ESPNL: variants seen among roughly 807,000 people sequenced by gnomAD.
ESPNL encodes the protein espin-like protein.
Under a neutral mutation model 46.8 loss-of-function variants are expected in ESPNL, and 49 were observed. The ratio of observed to expected loss-of-function variants is 1.05; its 90% CI spans 0.83 to 1.33. The LOEUF is 1.33. Among genes scored for constraint, ESPNL ranks in the 40% most tolerant of loss-of-function variants. The pLI, the probability that ESPNL is intolerant of heterozygous loss-of-function variation, is 0.00. For synonymous variants in ESPNL, 664 were observed against 662.1 expected (o/e 1.00, Z -0.04); for missense variants, 1,540 against 1,436.6 (o/e 1.07, Z -1.16).
At chr2:238,107,207 G>A (rs534177550) in intron 3 of ESPNL, among the ~76,000 whole-genome samples, 1 of 152,338 alleles carries the variant, frequency 6.6e-6, no homozygotes, top group South Asian at 2.1e-4. Flanking sequence ...CCTGGCTGGT[G>A]CTGTGGACCA....
In ESPNL at chr2:238,130,378, T is replaced by C; in HGVS notation, c.1664T>C (p.Leu555Pro). Residue 555 changes from leucine to proline, a missense_variant, in exon 9 of 9, where the codon CTG becomes CCG. By Grantham distance (98) the Leu-to-Pro change is moderately conservative (BLOSUM62 -3). Coordinates refer to ENST00000343063, the MANE Select transcript of ESPNL (RefSeq NM_194312.4). ...AGCATCACGGTCAACAGCCACTTCC[T>C]GCCCCGGGCGCCCGGACTGGAGGTT... Reference protein sequence around the residue: ...LVSITVNSHFLPRAPGLEVEE... With the variant: ...LVSITVNSHFPPRAPGLEVEE... 6.2e-7 allele frequency: 1 copy of C among 1,611,112 alleles called. No individual in the cohort carries two copies. The highest frequency in any genetic ancestry group is 1.1e-5 in the South Asian group (1 of 90,762).
In ESPNL at chr2:238,131,869, C is replaced by A. The variant is rs569094926; in HGVS notation, c.*137C>A. 1 of 919,694 alleles carries A rather than the reference C, an allele frequency of 1.1e-6. No homozygotes were observed. The highest frequency in any genetic ancestry group is 1.7e-6 in the Non-Finnish European group (1 of 604,412). The allele number at this position is 919,694 out of a possible 1,614,324, so 57.0% of individuals were successfully genotyped here. On this transcript the variant is annotated 3_prime_UTR_variant, in exon 9 of 9. Coordinates refer to ENST00000343063, the MANE Select transcript of ESPNL (RefSeq NM_194312.4). ...CAGTCCTACCAGTTATCGGAGGCTG[C>A]GGGACTGTTCTGTTGTGGCATGGTT...
At chr2:238,129,227 G>A (rs1692221540) in intron 8 of ESPNL, 2 of 1,251,098 alleles carry the variant, frequency 1.6e-6, no homozygotes, top group South Asian at 4.7e-5. Context: ...GTGGCCCATG[G>A]GCAGGTGCCG....
rs1232691515 is a variant in ESPNL at position 238,103,617 on chromosome 2, C to T, written c.486-1039C>T. 3.9e-5 allele frequency among the ~76,000 whole-genome samples: 6 copies of T among 152,328 alleles called. No homozygotes were observed. In the East Asian group the frequency reaches 1.2e-3, roughly 29 times the overall value. On this transcript the variant is annotated intron_variant, in intron 2 of 8. Coordinates refer to ENST00000343063, the MANE Select transcript of ESPNL (RefSeq NM_194312.4). ...GTTGCCCCCGACCCACTGGCTGCATCATGGCCTGCTCCCAGCCACCGCGCT... is the reference window on the plus strand; with the variant it reads ...GTTGCCCCCGACCCACTGGCTGCATTATGGCCTGCTCCCAGCCACCGCGCT...
chr2:238,104,640 C>T lies in ESPNL; in HGVS notation c.486-16C>T, dbSNP rs777343784. ...ATAGGCAGGGACTGGGCCTCCAAACCCTCCCTTCCCTGCAGCAGCGTGAAC... is the reference window on the plus strand; with the variant it reads ...ATAGGCAGGGACTGGGCCTCCAAACTCTCCCTTCCCTGCAGCAGCGTGAAC... On this transcript the variant is annotated splice_polypyrimidine_tract_variant and intron_variant, in intron 2 of 8. Coordinates refer to ENST00000343063, the MANE Select transcript of ESPNL (RefSeq NM_194312.4). 2 of 1,554,286 alleles carry T rather than the reference C, an allele frequency of 1.3e-6. No homozygotes were observed. The highest frequency in any genetic ancestry group is 1.8e-5 in the Admixed American group (1 of 55,182).
chr2:238,117,557 G>A (rs10929265), intron 5 of ESPNL, among the ~76,000 whole-genome samples: 28,112 of 152,194 alleles, frequency 0.18, 2,786 homozygotes, highest in African/African-American at 0.25. Flanking sequence ...ATCGCAAGGC[G>A]GCCAACAGCC....
intron 5 of ESPNL, among the ~76,000 whole-genome samples, chr2:238,120,576 C>A (rs898009370): frequency 6.6e-6 from 1 of 152,262 alleles, no homozygotes; most frequent in South Asian, 2.1e-4. Flanking sequence ...CCTGCCCGCG[C>A]CTGGGCGCCC....
intron 3 of ESPNL, 138 bp downstream of exon 3, chr2:238,104,980 A>G (rs984828468): frequency 5.3e-6 from 4 of 752,022 alleles, no homozygotes; most frequent in South Asian, 2.4e-5. Flanking sequence ...GAGCTGGTCC[A>G]TGGCTCCCGA....
In ESPNL at chr2:238,129,919, G is replaced by C. The variant is rs918680049; in HGVS notation, c.1414-209G>C. 6.0e-4 allele frequency among the ~76,000 whole-genome samples: 92 copies of C among 152,368 alleles called. 1 individual carries two copies. Among genetic ancestry groups the C allele is most frequent in the Non-Finnish European group, 5.7e-4 (39 of 68,034 alleles). On this transcript the variant is annotated intron_variant, in intron 8 of 8. Transcript: ENST00000343063. ...CTTGCCTGTTGGGCTGGGAGCCGTA[G>C]GGGCTGAAAGCCACAGGGTTGAGAG...
chr2:238,117,365 G>A (rs1022848702), intron 5 of ESPNL, among the ~76,000 whole-genome samples: 2 of 152,248 alleles, frequency 1.3e-5, no homozygotes, highest in African/African-American at 2.4e-5. Flanking sequence ...CTGTGGCCAG[G>A]GCCCGGCCTG....
At chr2:238,123,254 TC>T (rs2106475211) in intron 5 of ESPNL, among the ~76,000 whole-genome samples, 1 of 152,282 alleles carries the variant, frequency 6.6e-6, no homozygotes, top group Admixed American at 6.5e-5. Flanking sequence ...TCTTGGTCTT[TC>T]CCTAGAGGCT....
chr2:238,104,142 G>T (rs1192561101), intron 2 of ESPNL, among the ~76,000 whole-genome samples: 5 of 152,134 alleles, frequency 3.3e-5, no homozygotes, highest in Admixed American at 6.5e-5. Flanking sequence ...GAGGGTCTGG[G>T]ACAGGGTGGC....
At chr2:238,125,989 TTGTGTC>T (rs1384522669) in intron 6 of ESPNL, among the ~76,000 whole-genome samples, 1 of 151,060 alleles carries the variant, frequency 6.6e-6, no homozygotes, top group Non-Finnish European at 1.5e-5. Flanking sequence ...CTGTGTGTGA[TTGTGTC>T]TGTGTGTATC....
At chr2:238,118,386 AAGGGTGGATGGAAG>A (rs1213170116) in intron 5 of ESPNL, among the ~76,000 whole-genome samples, 3 of 58,658 alleles carry the variant, frequency 5.1e-5, no homozygotes, top group African/African-American at 2.2e-4. Context: ...GTGGATGGAG[AAGGGTGGATGGAAG>A]AGGGTGGACG....
At position 238,104,512 on chromosome 2, in the gene ESPNL, G is replaced by T. The variant is rs557056967; in HGVS notation, c.486-144G>T. 12 of 955,748 alleles carry T rather than the reference G, an allele frequency of 1.3e-5. No individual in the cohort carries two copies. The African/African-American group carries it at 1.7e-4, about 13-fold the overall frequency. The allele number at this position is 955,748 out of a possible 1,614,324, so 59.2% of individuals were successfully genotyped here. A position where few individuals can be genotyped will look rare whatever the true frequency, so the allele number is the denominator to read the frequency against. The stretch of plus-strand genomic sequence containing the variant: ...ACCTGGGGGAGCAACCTGGAGGGGG[G>T]AACCCCGCAGCAGCAGCTGGAAAGC... On this transcript the variant is annotated intron_variant, in intron 2 of 8. Transcript: ENST00000343063.
At chr2:238,129,052 G>C (rs1692216170) in intron 8 of ESPNL, 148 bp downstream of exon 8, 4 of 1,431,662 alleles carry the variant, frequency 2.8e-6, no homozygotes, top group Non-Finnish European at 2.7e-6. Context: ...GCTTCCGCCG[G>C]AGGATGAAGT....
chr2:238,110,532 C>T (rs4663289), intron 4 of ESPNL, among the ~76,000 whole-genome samples: 100 of 6,856 alleles, frequency 0.015, 8 homozygotes, highest in African/African-American at 0.02. Context: ...TAGGGTGCCA[C>T]ACGTTACCGA....
downstream of ESPNL, chr2:238,133,287 ACC>A (rs1692385066): frequency 6.6e-6 from 1 of 151,460 alleles, no homozygotes; most frequent in African/African-American, 2.4e-5. Context: ...TTCCTAGCGC[ACC>A]CCCTCTCTTG....
chr2:238,101,908 C>G, intron 1 of ESPNL, 33 bp from the exon 2 acceptor site: 2 of 1,554,692 alleles, frequency 1.3e-6, no homozygotes, highest in Non-Finnish European at 8.8e-7. Flanking sequence ...CACGGCCTAC[C>G]CCCCACTCAC....
Sources: allele counts gnomAD v4.1 joint callset (sites outside exome capture counted in the v4.1 genomes callset), GRCh38; gene constraint gnomAD v4.1.1; transcripts MANE v1.5; gene names NCBI Gene and HGNC (gene_info 2026-07-23, HGNC 2026-07-21).